Variants in NOLC1 observed in about 807,000 individuals in gnomAD.
The protein encoded by NOLC1 is 140 kDa nucleolar phosphoprotein.
Under a neutral mutation model 73.4 loss-of-function variants are expected in NOLC1, and 37 were observed. The observed-to-expected ratio is 0.50, with a 90% confidence interval of 0.39 to 0.66. The LOEUF is 0.66. Among genes scored for constraint, NOLC1 ranks in the 30% least tolerant of loss-of-function variants. The pLI is 0.00. For missense variants in NOLC1, 921 were observed against 838.9 expected (o/e 1.10, Z -1.21); for synonymous variants, 327 against 302.6 (o/e 1.08, Z -0.84).
In NOLC1 at chr10:102,157,027, G is replaced by A. The variant is rs764507671; in HGVS notation, c.129G>A (p.Gln43=). 2 of 1,614,152 alleles carry A rather than the reference G, an allele frequency of 1.2e-6. No homozygotes were observed. Among genetic ancestry groups the A allele is most frequent in the Non-Finnish European group, 1.7e-6 (2 of 1,179,988 alleles). Residue 43 remains glutamine, a synonymous_variant, in exon 2 of 13, where the codon CAG becomes CAA. Coordinates refer to ENST00000605788, the MANE Select transcript of NOLC1 (RefSeq NM_004741.5). ...KFAKATGATQ[Q]DANASSLLDI... ...CTCTTTTTCTTCTACAGACACAGCA[G>A]GATGCCAATGCCTCTTCCCTCTTAG... is the stretch of plus-strand genomic sequence containing the variant.
intron 5 of NOLC1, 46 bp downstream of exon 5, chr10:102,158,260 C>T: frequency 1.3e-6 from 2 of 1,569,340 alleles, no homozygotes; most frequent in Admixed American, 1.8e-5. Context: ...CCAGATTGCT[C>T]TGGGGACTGG....
At position 102,160,774 on chromosome 10, in the gene NOLC1, C is replaced by T; in HGVS notation, c.1422C>T (p.Asp474=). 6.2e-7 allele frequency: 1 copy of T among 1,614,230 alleles called. No individual in the cohort carries two copies. Among genetic ancestry groups the T allele is most frequent in the East Asian group, 2.2e-5 (1 of 44,882 alleles). ...QGSRDSSSDS[D]SSSSEEEEEK... is the part of the protein sequence containing the mutation. ...GTAGGGACAGCAGCTCTGATTCAGACAGCTCCAGCAGTGAGGAGGAGGAAG... is the reference window on the plus strand; with the variant it reads ...GTAGGGACAGCAGCTCTGATTCAGATAGCTCCAGCAGTGAGGAGGAGGAAG... Residue 474 remains aspartate (D), a synonymous_variant, in exon 10 of 13, where the codon GAC becomes GAT. Transcript: ENST00000605788.
At chr10:102,155,261 A>C (rs540895403) in intron 1 of NOLC1, among the ~76,000 whole-genome samples, 1 of 150,502 alleles carries the variant, frequency 6.6e-6, no homozygotes, top group East Asian at 2.0e-4. Flanking sequence ...CCGATCTCAG[A>C]TGATCCACCC....
At position 102,160,534 on chromosome 10, in the gene NOLC1, C is replaced by T. The variant is rs1410239106; in HGVS notation, c.1182C>T (p.Thr394=). ...TKNSSNKPAV[T]TKSPAVKPAA... ...ATTCTTCAAATAAGCCAGCTGTCAC[C>T]ACCAAGTCACCTGCAGTGAAGCCAG... Residue 394 remains threonine (T), a synonymous_variant, in exon 10 of 13, where the codon ACC becomes ACT. Coordinates refer to ENST00000605788, the MANE Select transcript of NOLC1 (RefSeq NM_004741.5). The T allele has an allele frequency of 2.5e-6, 4 of 1,614,072 alleles. No individual in the cohort carries two copies. Among genetic ancestry groups the T allele is most frequent in the African/African-American group, 2.7e-5 (2 of 74,914 alleles).
chr10:102,160,891 G>C lies in NOLC1; in HGVS notation c.1539G>C (p.Lys513Asn). ...PSKPASAKKG[K>N]AESSNSSSSD... ...AGCCAGCCTCTGCAAAGAAAGGAAA[G>C]GCTGAGAGCAGCAACAGTTCTTCTT... The change falls in exon 10 of 13, where the codon AAG becomes AAC. Residue 513 changes from lysine to asparagine, a missense_variant. Coordinates refer to ENST00000605788, the MANE Select transcript of NOLC1 (RefSeq NM_004741.5). 6.2e-7 allele frequency: 1 copy of C among 1,614,178 alleles called. No individual in the cohort carries two copies. Among genetic ancestry groups the C allele is most frequent in the Non-Finnish European group, 8.5e-7 (1 of 1,180,024 alleles).
At chr10:102,153,668 G>A (rs1034431250) in intron 1 of NOLC1, among the ~76,000 whole-genome samples, 1 of 143,328 alleles carries the variant, frequency 7.0e-6, no homozygotes, top group South Asian at 2.2e-4. Flanking sequence ...TCAGAATTAG[G>A]ATTCTTTTTT....
Position 102,153,672 on chromosome 10 carries a change from CTTTTTTTTTTTT to C in NOLC1, c.120+1153_120+1164del, listed in dbSNP as rs56074108. On this transcript the variant is annotated intron_variant, in intron 1 of 12. Transcript: ENST00000605788. The stretch of plus-strand genomic sequence containing the variant: ...AATTGGACATTTCAGAATTAGGATT[CTTTTTTTTTTTT>C]TTTTTTTTTTGAGACGGAGTCTCTG... Among the ~76,000 whole-genome samples, 184 of 88,184 alleles carry C rather than the reference CTTTTTTTTTTTT, an allele frequency of 2.1e-3. 2 individuals are homozygous for C. Among genetic ancestry groups the C allele is most frequent in the African/African-American group, 6.8e-3 (174 of 25,518 alleles). The allele number at this position is 88,184 out of a possible 152,430, so 57.9% of individuals were successfully genotyped here. A position where few individuals can be genotyped will look rare whatever the true frequency, so the allele number is the denominator to read the frequency against.
Position 102,158,054 on chromosome 10 carries a change from A to T in NOLC1, c.447A>T (p.Gly149=), listed in dbSNP as rs1409994418. ...CCTTGTGTCTTTTCTAACAGAAGGG[A>T]GTTAAGCCCCAAGCCAAGGCAGCCA... ...EDQKKQPVQK[G]VKPQAKAAKA... The change falls in exon 5 of 13, where the codon GGA becomes GGT. Residue 149 remains glycine, a synonymous_variant. Transcript: ENST00000605788. 6.2e-7 allele frequency: 1 copy of T among 1,613,540 alleles called. No individual in the cohort carries two copies. Among genetic ancestry groups the T allele is most frequent in the South Asian group, 1.1e-5 (1 of 91,012 alleles).
At position 102,155,022 on chromosome 10, in the gene NOLC1, A is replaced by ATTTTTTTT. The variant is rs34034390; in HGVS notation, c.121-1985_121-1978dup. Among the ~76,000 whole-genome samples the ATTTTTTTT allele has an allele frequency of 5.3e-4, 70 of 131,234 alleles. 1 individual carries two copies. The highest frequency in any genetic ancestry group is 2.0e-3 in the African/African-American group (70 of 35,256). 86.1% of individuals were successfully genotyped at this position (131,234 alleles called of 152,430 possible). A position where few individuals can be genotyped will look rare whatever the true frequency, so the allele number is the denominator to read the frequency against. Reference sequence around the variant, plus strand: ...AGACATGTACCACCACACCTGGCTAATTTTTTTTTTTTTTTTTTTGTGACA... The same window carrying ATTTTTTTT: ...AGACATGTACCACCACACCTGGCTAATTTTTTTTTTTTTTTTTTTTTTTTTTTGTGACA... On this transcript the variant is annotated intron_variant, in intron 1 of 12. Coordinates refer to ENST00000605788, the MANE Select transcript of NOLC1 (RefSeq NM_004741.5).
At chr10:102,157,862 A>G (rs1373113243) in intron 4 of NOLC1, among the ~76,000 whole-genome samples, 187 bp from the exon 5 acceptor site, 2 of 152,150 alleles carry the variant, frequency 1.3e-5, no homozygotes, top group Non-Finnish European at 2.9e-5. Flanking sequence ...TTGGCAGGAT[A>G]AGGCAGGAAC....
intron 10 of NOLC1, 139 bp downstream of exon 10, chr10:102,161,232 G>T: frequency 1.1e-6 from 1 of 903,796 alleles, no homozygotes; most frequent in Non-Finnish European, 1.6e-6. Context: ...ACAGGAAACT[G>T]GTTACCTTTT....
At position 102,159,236 on chromosome 10, in the gene NOLC1, CAGCAGT is replaced by C. The variant is rs745455794; in HGVS notation, c.657_662del (p.Ser226_Ser227del). ...TAGCCAATGGTAAAGCAGCCAGTAG[CAGCAGT>C]AGCAGCAGCAGCAGCAGTAGCAGTG... On this transcript the variant is annotated inframe_deletion, in exon 6 of 13. Transcript: ENST00000605788. The C allele has an allele frequency of 9.9e-6, 16 of 1,613,166 alleles. 1 individual carries two copies. In the South Asian group the frequency reaches 1.4e-4, roughly 14 times the overall value.
At chr10:102,159,875 C>G (rs1169212179) in intron 7 of NOLC1, 21 bp from the exon 8 acceptor site, 1 of 1,519,522 alleles carries the variant, frequency 6.6e-7, no homozygotes, top group Non-Finnish European at 8.8e-7. Context: ...CTAAAACCAT[C>G]ACACTATCCT....
chr10:102,161,538 T>G lies in NOLC1; in HGVS notation c.1742-18T>G. 6.2e-7 allele frequency: 1 copy of G among 1,603,846 alleles called. No homozygotes were observed. Among genetic ancestry groups the G allele is most frequent in the Non-Finnish European group, 8.5e-7 (1 of 1,171,290 alleles). Reference sequence around the variant, plus strand: ...TGAGCCACTGTACTCGGCCTGAGTCTGGCTTTTTGTTTTGTAGGTTCATTA... The same window carrying G: ...TGAGCCACTGTACTCGGCCTGAGTCGGGCTTTTTGTTTTGTAGGTTCATTA... On this transcript the variant is annotated intron_variant, in intron 10 of 12. Coordinates refer to ENST00000605788, the MANE Select transcript of NOLC1 (RefSeq NM_004741.5).
rs555094327 is a variant in NOLC1, at chr10:102,162,388, A to G, written c.*119A>G. On this transcript the variant is annotated 3_prime_UTR_variant, in exon 13 of 13. Transcript: ENST00000605788. ...CTTGATGAGGACAGAAGTTTAGAGT[A>G]GGTCCTAAGACTTTACAGTGTAACA... The G allele has an allele frequency of 1.4e-4, 144 of 1,049,710 alleles. No individual in the cohort carries two copies. The East Asian group carries it at 3.0e-3, about 22-fold the overall frequency. The allele number at this position is 1,049,710 out of a possible 1,614,324, so 65.0% of individuals were successfully genotyped here.
At position 102,160,695 on chromosome 10, in the gene NOLC1, A is replaced by G. The variant is rs542311564; in HGVS notation, c.1343A>G (p.Lys448Arg). ...AAGATGGTGGCCACCACTAAGCCCA[A>G]GGCGACTGCCAAAGCAGCTCTATCT... is the stretch of plus-strand genomic sequence containing the variant. ...TKKMVATTKP[K>R]ATAKAALSLP... is the part of the protein sequence containing the mutation. Residue 448 changes from lysine to arginine, a missense_variant, in exon 10 of 13, where the codon AAG becomes AGG. By Grantham distance (26) the Lys-to-Arg change is conservative. Transcript: ENST00000605788. 2.5e-6 allele frequency: 4 copies of G among 1,614,076 alleles called. No individual in the cohort carries two copies. The highest frequency in any genetic ancestry group is 1.3e-5 in the African/African-American group (1 of 75,024).
chr10:102,157,488 A>T lies in NOLC1; in HGVS notation c.374A>T (p.Glu125Val). 6.2e-7 allele frequency: 1 copy of T among 1,614,196 alleles called. No homozygotes were observed. The highest frequency in any genetic ancestry group is 1.1e-5 in the South Asian group (1 of 91,090). Residue 125 changes from glutamate (E) to valine (V), a missense_variant, in exon 4 of 13, where the codon GAG becomes GTG. By Grantham distance (121) the Glu-to-Val change is moderately radical. Coordinates refer to ENST00000605788, the MANE Select transcript of NOLC1 (RefSeq NM_004741.5). Reference sequence around the variant, plus strand: ...GGGAAGGCTGCAGCCAAAGCATCAGAGAGTAGCAGCAGTGAAGAGTCCAGT... The same window carrying T: ...GGGAAGGCTGCAGCCAAAGCATCAGTGAGTAGCAGCAGTGAAGAGTCCAGT... ...PPGKAAAKAS[E>V]SSSSEESSDD...
In NOLC1 at chr10:102,158,336, A is replaced by G. The variant is rs890810855; in HGVS notation, c.607+122A>G. 3.6e-5 allele frequency: 23 copies of G among 645,056 alleles called. 1 individual carries two copies. The Middle Eastern group carries it at 8.6e-4, about 24-fold the overall frequency. 40.0% of individuals were successfully genotyped at this position (645,056 alleles called of 1,614,324 possible). On this transcript the variant is annotated intron_variant, in intron 5 of 12. Transcript: ENST00000605788. The stretch of plus-strand genomic sequence containing the variant: ...GTTTGTTGAACTGGAGGTGTTGATT[A>G]CTGGTCTTTTAATTTTAAAGGTTTT...
In NOLC1 at chr10:102,158,229, C is replaced by T. The variant is rs1298117642; in HGVS notation, c.607+15C>T. 1 of 1,611,972 alleles carries T rather than the reference C, an allele frequency of 6.2e-7. No individual in the cohort carries two copies. Among genetic ancestry groups the T allele is most frequent in the Non-Finnish European group, 8.5e-7 (1 of 1,178,662 alleles). On this transcript the variant is annotated intron_variant, in intron 5 of 12. Coordinates refer to ENST00000605788, the MANE Select transcript of NOLC1 (RefSeq NM_004741.5). Reference sequence around the variant, plus strand: ...TCCCAAACCAGGTACTGTTTCTGTTCCCAAGAGGCTGGGCTGGGGACCAGA... The same window carrying T: ...TCCCAAACCAGGTACTGTTTCTGTTTCCAAGAGGCTGGGCTGGGGACCAGA...
Sources: allele counts gnomAD v4.1 joint callset (sites outside exome capture counted in the v4.1 genomes callset), GRCh38; gene constraint gnomAD v4.1.1; transcripts MANE v1.5; gene names NCBI Gene and HGNC (gene_info 2026-07-23, HGNC 2026-07-21).